The following AKR1C8 variants were observed in gnomAD, a reference collection of about 807,000 sequenced individuals.
AKR1C8 encodes aldo-keto reductase family 1 member C8, also known as aldo-keto reductase family 1 member C-like protein 1.
At chr10:5,167,832 T>C in the AKR1C8 span, among the ~76,000 whole-genome samples, 2 of 152,072 alleles carry the variant, frequency 1.3e-5, no homozygotes, top group African/African-American at 4.8e-5. Context: ...TAAAAAACAC[T>C]GTAAAATGAT....
chr10:5,146,874 T>C, the AKR1C8 span, among the ~76,000 whole-genome samples: 2 of 152,216 alleles, frequency 1.3e-5, no homozygotes, highest in Admixed American at 6.5e-5. Flanking sequence ...ATGTCTGTGA[T>C]TATCGGGTAT....
chr10:5,123,540 C>T, the AKR1C8 span: 2 of 632,062 alleles, frequency 3.2e-6, no homozygotes, highest in Non-Finnish European at 5.4e-6. Flanking sequence ...CAGAGCGTCT[C>T]AAGTGAGGCC....
the AKR1C8 span, chr10:5,123,273 C>T: frequency 4.0e-5 from 9 of 223,406 alleles, no homozygotes; most frequent in Non-Finnish European, 8.0e-5. Context: ...CAACGCCTCA[C>T]CTGCATGTTC....
chr10:5,144,230 T>C, the AKR1C8 span, among the ~76,000 whole-genome samples: 1 of 152,280 alleles, frequency 6.6e-6, no homozygotes, highest in East Asian at 1.9e-4. Flanking sequence ...TCCATTGATC[T>C]ATATCTCTGT....
chr10:5,131,742 G>A, the AKR1C8 span, among the ~76,000 whole-genome samples: 217 of 152,080 alleles, frequency 1.4e-3, no homozygotes, highest in African/African-American at 4.5e-3. Flanking sequence ...CATTGCTGGT[G>A]GGAATGTAAA....
chr10:5,165,007 T>C, the AKR1C8 span, among the ~76,000 whole-genome samples: 5 of 152,188 alleles, frequency 3.3e-5, no homozygotes, highest in Non-Finnish European at 7.4e-5. Flanking sequence ...GCCAGTGTTG[T>C]AGTAATCAGG....
the AKR1C8 span, among the ~76,000 whole-genome samples, chr10:5,178,528 G>A: frequency 6.6e-6 from 1 of 151,524 alleles, no homozygotes; most frequent in African/African-American, 2.4e-5. Context: ...CAATTCCTGG[G>A]TATCCTTTTT....
the AKR1C8 span, among the ~76,000 whole-genome samples, chr10:5,159,371 C>T: frequency 6.6e-6 from 1 of 152,114 alleles, no homozygotes; most frequent in Admixed American, 6.5e-5. Context: ...ACAGGACAAA[C>T]GACTTGATTT....
chr10:5,163,166 G>A, the AKR1C8 span: 1 of 346,108 alleles, frequency 2.9e-6, no homozygotes, highest in Non-Finnish European at 5.8e-6. Flanking sequence ...CCTGTACTCT[G>A]AGGACATTGA....
chr10:5,124,296 AAC>A, the AKR1C8 span, among the ~76,000 whole-genome samples: 7 of 152,212 alleles, frequency 4.6e-5, no homozygotes, highest in Non-Finnish European at 1.0e-4. Context: ...TTATAGCAAA[AAC>A]AATTCATGGG....
At chr10:5,174,870 T>G in the AKR1C8 span, among the ~76,000 whole-genome samples, 1 of 151,940 alleles carries the variant, frequency 6.6e-6, no homozygotes, top group African/African-American at 2.4e-5. Context: ...TTATAAAAAT[T>G]TTACAAAACC....
At chr10:5,164,455 T>C in the AKR1C8 span, among the ~76,000 whole-genome samples, 13 of 152,280 alleles carry the variant, frequency 8.5e-5, no homozygotes, top group Admixed American at 3.9e-4. Context: ...ACATTTTTGA[T>C]ACATTGATGA....
At chr10:5,171,283 T>C in the AKR1C8 span, among the ~76,000 whole-genome samples, 1 of 151,988 alleles carries the variant, frequency 6.6e-6, no homozygotes, top group Non-Finnish European at 1.5e-5. Flanking sequence ...TAACAAAAAG[T>C]TTTAAGGTAG....
chr10:5,134,153 AC>A, the AKR1C8 span, among the ~76,000 whole-genome samples: 1 of 152,172 alleles, frequency 6.6e-6, no homozygotes, highest in Non-Finnish European at 1.5e-5. Context: ...GCCAGGTCTC[AC>A]TGCCTTCCCC....
the AKR1C8 span, among the ~76,000 whole-genome samples, chr10:5,119,612 A>C: frequency 6.6e-6 from 1 of 152,178 alleles, no homozygotes; most frequent in Non-Finnish European, 1.5e-5. Context: ...CTCATATTCA[A>C]ATCTTTGTTA....
chr10:5,171,044 A>G, the AKR1C8 span, among the ~76,000 whole-genome samples: 1 of 152,134 alleles, frequency 6.6e-6, no homozygotes, highest in African/African-American at 2.4e-5. Context: ...GCAAAATGTT[A>G]AAAAGATTAG....
chr10:5,139,154 G>C, the AKR1C8 span, among the ~76,000 whole-genome samples: 1 of 151,836 alleles, frequency 6.6e-6, no homozygotes, highest in Non-Finnish European at 1.5e-5. Flanking sequence ...TGAAATAAAA[G>C]AGGACACAAT....
At chr10:5,128,006 G>A in the AKR1C8 span, among the ~76,000 whole-genome samples, 1 of 151,970 alleles carries the variant, frequency 6.6e-6, no homozygotes, top group Non-Finnish European at 1.5e-5. Flanking sequence ...TCAACATGAA[G>A]GAAATAATCC....
the AKR1C8 span, among the ~76,000 whole-genome samples, chr10:5,177,803 T>A: frequency 6.6e-6 from 1 of 152,204 alleles, no homozygotes; most frequent in African/African-American, 2.4e-5. Flanking sequence ...GTAGTTTGTA[T>A]TTCTGTGGGA....
Sources: allele counts gnomAD v4.1 joint callset (sites outside exome capture counted in the v4.1 genomes callset), GRCh38; gene constraint gnomAD v4.1.1; transcripts MANE v1.5; gene names NCBI Gene and HGNC (gene_info 2026-07-23, HGNC 2026-07-21).